SLC36A1: variants seen among roughly 807,000 people sequenced by gnomAD.
SLC36A1 encodes proton-coupled amino acid transporter 1.
SLC36A1 carries 30 observed loss-of-function variants against 47.5 expected under a neutral mutation model. The ratio of observed to expected loss-of-function variants is 0.63; its 90% CI spans 0.47 to 0.86. The LOEUF (loss-of-function observed/expected upper bound fraction) is 0.86, where lower values mean the gene tolerates loss of function less well. Among genes scored for constraint, SLC36A1 ranks in the 40% least tolerant of loss-of-function variants. The pLI is 0.00. For missense variants in SLC36A1, 517 were observed against 606.0 expected, an observed-to-expected ratio of 0.85 and a Z score of 1.54; for synonymous variants, 255 against 249.7, an observed-to-expected ratio of 1.02 and a Z score of -0.20.
chr5:151,464,646 T>C, intron 4 of SLC36A1, 44 bp downstream of exon 4: 1 of 1,553,158 alleles, frequency 6.4e-7, no homozygotes, highest in Non-Finnish European at 8.9e-7. Context: ...GATTGTCCTT[T>C]TGGGTTCTGT....
At chr5:151,407,630 G>T in the SLC36A1 span, among the ~76,000 whole-genome samples, 1 of 152,164 alleles carries the variant, frequency 6.6e-6, no homozygotes, top group Non-Finnish European at 1.5e-5. Context: ...AAGCCCAGCC[G>T]GCTTCACCTC....
At chr5:151,356,339 C>CAAAAAAAAAAAAAAAAAAAAAAAAA in the SLC36A1 span, among the ~76,000 whole-genome samples, 90 of 51,276 alleles carry the variant, frequency 1.8e-3, 4 homozygotes, top group Non-Finnish European at 2.6e-3. Flanking sequence ...CTCTGTCTCA[C>CAAAAAAAAAAAAAAAAAAAAAAAAA]AAAAAAAAAA....
At chr5:151,459,625 A>G (rs959175773) in intron 2 of SLC36A1, 1 of 151,842 alleles carries the variant, frequency 6.6e-6, no homozygotes, top group Non-Finnish European at 1.5e-5. Flanking sequence ...TTTCCCAGCT[A>G]CTCCTGATTT....
chr5:151,424,164 C>T, the SLC36A1 span, among the ~76,000 whole-genome samples: 5 of 152,270 alleles, frequency 3.3e-5, no homozygotes, highest in African/African-American at 9.6e-5. Flanking sequence ...CCTCTCATTG[C>T]CTGGGTGTGG....
the SLC36A1 span, chr5:151,382,034 C>A: frequency 1.5e-5 from 10 of 665,306 alleles, no homozygotes; most frequent in East Asian, 2.7e-4. Context: ...CGGGAGCTCT[C>A]CCAGTCTTTG....
chr5:151,422,972 T>TA, the SLC36A1 span, among the ~76,000 whole-genome samples: 1 of 151,790 alleles, frequency 6.6e-6, no homozygotes, highest in African/African-American at 2.4e-5. Context: ...AACACAAAAA[T>TA]AGACAAAAGA....
chr5:151,454,047 GA>G (rs965926715), intron 1 of SLC36A1, among the ~76,000 whole-genome samples: 6 of 142,260 alleles, frequency 4.2e-5, no homozygotes, highest in African/African-American at 1.3e-4. Context: ...GTTACATAAG[GA>G]AAAAAAAGGA....
At chr5:151,425,235 AT>A in the SLC36A1 span, 1 of 152,318 alleles carries the variant, frequency 6.6e-6, no homozygotes, top group Non-Finnish European at 1.5e-5. Flanking sequence ...CACCAAAGAC[AT>A]CCCCACCCCA....
chr5:151,403,758 A>G, the SLC36A1 span, among the ~76,000 whole-genome samples: 2 of 152,158 alleles, frequency 1.3e-5, no homozygotes, highest in Non-Finnish European at 2.9e-5. Flanking sequence ...ATTGATTTCT[A>G]TTTTTATTCC....
At chr5:151,361,378 ATCTT>A in the SLC36A1 span, among the ~76,000 whole-genome samples, 1 of 152,256 alleles carries the variant, frequency 6.6e-6, no homozygotes, top group Non-Finnish European at 1.5e-5. Flanking sequence ...AACTCGAAAC[ATCTT>A]ATATTGCTTT....
the SLC36A1 span, chr5:151,347,583 G>T: frequency 7.7e-7 from 1 of 1,307,038 alleles, no homozygotes; most frequent in Non-Finnish European, 1.1e-6. Context: ...GCTGGCTCTG[G>T]CCAAGCTGGA....
At chr5:151,497,744 T>G in the SLC36A1 span, among the ~76,000 whole-genome samples, 2 of 152,090 alleles carry the variant, frequency 1.3e-5, no homozygotes, top group African/African-American at 2.4e-5. Flanking sequence ...TCTAGGATGT[T>G]TAGCAGCATC....
chr5:151,347,604 G>T, the SLC36A1 span: 1 of 950,710 alleles, frequency 1.1e-6, no homozygotes, highest in Non-Finnish European at 1.6e-6. Flanking sequence ...ACGAGGCCCC[G>T]CCCACCTCCC....
the SLC36A1 span, chr5:151,505,138 T>TGTCA: frequency 1.1e-4 from 29 of 269,308 alleles, no homozygotes; most frequent in Non-Finnish European, 1.6e-4. Context: ...AGTGGTTGTC[T>TGTCA]GTCAGGCACC....
At chr5:151,459,085 T>C in intron 2 of SLC36A1, 150 bp downstream of exon 2, 1 of 851,978 alleles carries the variant, frequency 1.2e-6, no homozygotes, top group Non-Finnish European at 1.7e-6. Flanking sequence ...CGCTGAGATT[T>C]GCCTTCCTGG....
the SLC36A1 span, chr5:151,549,651 C>T: frequency 1.6e-6 from 1 of 644,088 alleles, no homozygotes. Context: ...TTGTTCTAAT[C>T]TATATGCTCT....
chr5:151,387,628 AT>A, the SLC36A1 span, among the ~76,000 whole-genome samples: 1 of 152,034 alleles, frequency 6.6e-6, no homozygotes, highest in South Asian at 2.1e-4. Context: ...TTGAGACAGG[AT>A]TTCACTCTAT....
At chr5:151,515,733 C>T in the SLC36A1 span, among the ~76,000 whole-genome samples, 10 of 152,206 alleles carry the variant, frequency 6.6e-5, no homozygotes, top group African/African-American at 2.4e-4. Flanking sequence ...TCACCCTGGT[C>T]TAAACCACCA....
Position 151,447,624 on chromosome 5 carries a change from G to A in SLC36A1, c.-195G>A, listed in dbSNP as rs1206971543. The A allele has an allele frequency of 6.6e-6, 1 of 152,624 alleles. No individual in the cohort carries two copies. The highest frequency in any genetic ancestry group is 1.5e-5 in the Non-Finnish European group (1 of 68,352). The allele number at this position is 152,624 out of a possible 1,614,324, so 9.5% of individuals were successfully genotyped here. A position where few individuals can be genotyped will look rare whatever the true frequency, so the allele number is the denominator to read the frequency against. On this transcript the variant is annotated 5_prime_UTR_variant, in exon 1 of 11. Transcript: ENST00000243389. ...TGATGAGGTCCGGAAGCGGCTGCCG[G>A]GCAGCAAAGGAGGATGGCGAGGGGC...
Sources: gnomAD v4.1 joint callset for allele counts (sites outside exome capture counted in the v4.1 genomes callset) on GRCh38, gnomAD v4.1.1 for gene constraint, MANE v1.5 for transcripts, NCBI Gene and HGNC (gene_info 2026-07-23, HGNC 2026-07-21) for gene names.